Variants in DNAJC6 observed in about 807,000 individuals in gnomAD.
DNAJC6 encodes auxilin.
A neutral mutation model predicts 110.0 loss-of-function variants in DNAJC6; 34 were observed. The observed-to-expected ratio is 0.31, with a 90% CI of 0.24 to 0.41. The LOEUF is 0.41. Among genes scored for constraint, DNAJC6 ranks in the 10% least tolerant of loss-of-function variants. The probability of loss-of-function intolerance (pLI) is 1.00; values close to 1 mark genes in which losing one functional copy is unlikely to be tolerated. For missense variants in DNAJC6, 1,031 were observed against 1,207.8 expected (o/e 0.85, Z 2.17); for synonymous variants, 406 against 437.2 (o/e 0.93, Z 0.89).
intron 1 of DNAJC6, among the ~76,000 whole-genome samples, chr1:65,289,298 C>A (rs915766253): frequency 1.3e-5 from 2 of 152,034 alleles, no homozygotes; most frequent in Admixed American, 1.3e-4. Context: ...CAGGTTCAAG[C>A]GATTCTCCTG....
intron 5 of DNAJC6, among the ~76,000 whole-genome samples, chr1:65,382,815 C>T (rs879714118): frequency 1.3e-5 from 2 of 152,110 alleles, no homozygotes; most frequent in Non-Finnish European, 2.9e-5. Context: ...ATCTGGGCAG[C>T]ATTTAAGGTT....
rs376822587 is a variant in DNAJC6 at position 65,391,643 on chromosome 1, G to C, written c.1469-788G>C. On this transcript the variant is annotated intron_variant, in intron 11 of 18. Coordinates refer to ENST00000371069, the MANE Select transcript of DNAJC6 (RefSeq NM_001256864.2). ...GTCAGCAAATGACTAGCAGATAATGGTTTGTACTACCCTCCCCGGCCAAAG... is the reference window on the plus strand; with the variant it reads ...GTCAGCAAATGACTAGCAGATAATGCTTTGTACTACCCTCCCCGGCCAAAG... 1.3e-3 allele frequency among the ~76,000 whole-genome samples: 197 copies of C among 151,976 alleles called. 1 individual carries two copies. Among genetic ancestry groups the C allele is most frequent in the African/African-American group, 4.6e-3 (189 of 41,380 alleles).
intron 1 of DNAJC6, among the ~76,000 whole-genome samples, chr1:65,303,427 A>G (rs1179660686): frequency 6.6e-6 from 1 of 152,220 alleles, no homozygotes; most frequent in Non-Finnish European, 1.5e-5. Context: ...GATTGATAGT[A>G]TGTCATACTT....
chr1:65,322,888 A>G (rs1036830070), intron 1 of DNAJC6, among the ~76,000 whole-genome samples: 2 of 152,222 alleles, frequency 1.3e-5, no homozygotes. Context: ...ATTAATTTGA[A>G]TAGCTTTTCA....
intron 1 of DNAJC6, among the ~76,000 whole-genome samples, chr1:65,342,701 T>C (rs1053024181): frequency 1.3e-5 from 2 of 152,158 alleles, no homozygotes; most frequent in Non-Finnish European, 2.9e-5. Flanking sequence ...ACATAAAGCT[T>C]GTAGTCTAGT....
chr1:65,282,734 C>T (rs1653892767), intron 1 of DNAJC6, among the ~76,000 whole-genome samples: 1 of 152,112 alleles, frequency 6.6e-6, no homozygotes, highest in Non-Finnish European at 1.5e-5. Context: ...AGGAAGTCAC[C>T]TGCAGTTTGT....
intron 1 of DNAJC6, among the ~76,000 whole-genome samples, chr1:65,346,197 CCTACTAATACAATTTT>C (rs1645435258): frequency 6.6e-6 from 1 of 152,084 alleles, no homozygotes; most frequent in Non-Finnish European, 1.5e-5. Flanking sequence ...ATTGGAAGTG[CCTACTAATACAATTTT>C]CTGATAATTT....
chr1:65,382,604 A>G (rs993470254), intron 5 of DNAJC6, among the ~76,000 whole-genome samples: 4 of 152,222 alleles, frequency 2.6e-5, no homozygotes, highest in Admixed American at 2.0e-4. Context: ...ACATATTTGC[A>G]CATTACCTTA....
rs1038852409 is a variant in DNAJC6, at chr1:65,280,079, A to C, written c.-131+15147A>C. Among the ~76,000 whole-genome samples, 5 of 152,224 alleles carry C rather than the reference A, an allele frequency of 3.3e-5. No homozygotes were observed. The East Asian group carries it at 9.6e-4, about 29-fold the overall frequency. On this transcript the variant is annotated intron_variant, in intron 1 of 19. Coordinates refer to the DNAJC6 transcript ENST00000263441. ...TAGAACCTAATAAGGTTGTTGCGAG[A>C]TTAGAAATAATATATTAAAGGCACC... is the stretch of plus-strand genomic sequence containing the variant.
chr1:65,323,401 C>A (rs1645213867), intron 1 of DNAJC6, among the ~76,000 whole-genome samples: 1 of 152,120 alleles, frequency 6.6e-6, no homozygotes, highest in Non-Finnish European at 1.5e-5. Context: ...CTTTCTCCTG[C>A]CACCATGTAA....
intron 12 of DNAJC6, among the ~76,000 whole-genome samples, chr1:65,394,507 TGTG>T (rs1405980017): frequency 1.3e-5 from 2 of 152,206 alleles, no homozygotes; most frequent in Non-Finnish European, 2.9e-5. Flanking sequence ...GCTCTTGTCT[TGTG>T]GTGTTGGGCA....
chr1:65,410,911 T>C (rs1221034702), intron 17 of DNAJC6, among the ~76,000 whole-genome samples: 1 of 152,246 alleles, frequency 6.6e-6, no homozygotes, highest in Non-Finnish European at 1.5e-5. Flanking sequence ...TTTGGCCCTT[T>C]TTTAAGGTTT....
chr1:65,320,317 A>G (rs542711947), intron 1 of DNAJC6, among the ~76,000 whole-genome samples: 1 of 152,316 alleles, frequency 6.6e-6, no homozygotes, highest in Admixed American at 6.5e-5. Context: ...CTCTGTAGGA[A>G]AGCAGATCTT....
At chr1:65,319,122 T>C (rs555817319) in intron 1 of DNAJC6, among the ~76,000 whole-genome samples, 39 of 152,298 alleles carry the variant, frequency 2.6e-4, no homozygotes, top group African/African-American at 9.1e-4. Context: ...TGGTGGGGTC[T>C]GAGATACAGG....
intron 1 of DNAJC6, among the ~76,000 whole-genome samples, chr1:65,291,449 C>G (rs1644874110): frequency 6.6e-6 from 1 of 152,174 alleles, no homozygotes; most frequent in African/African-American, 2.4e-5. Context: ...AGTAATGAAT[C>G]TATAGCATTC....
chr1:65,316,522 G>A lies in DNAJC6; in HGVS notation c.193+6584G>A, dbSNP rs575047965. 3.9e-5 allele frequency among the ~76,000 whole-genome samples: 6 copies of A among 152,204 alleles called. No homozygotes were observed. The South Asian group carries it at 1.2e-3, about 32-fold the overall frequency. ...GTAAGTAAAGTTCAGAGCAAGGCTG[G>A]GTCTTATTTGCCTTTGTAGTCTTGT... On this transcript the variant is annotated intron_variant, in intron 1 of 18. Coordinates refer to ENST00000371069, the MANE Select transcript of DNAJC6 (RefSeq NM_001256864.2).
intron 1 of DNAJC6, among the ~76,000 whole-genome samples, chr1:65,302,528 T>C (rs1256092851): frequency 7.7e-6 from 1 of 129,208 alleles, no homozygotes; most frequent in African/African-American, 3.0e-5. Context: ...CCTTTCTTTT[T>C]TTTTTTTTTT....
rs574185340 is a variant in DNAJC6 at position 65,298,563 on chromosome 1, G to T, written c.-131+33631G>T. 2.0e-5 allele frequency among the ~76,000 whole-genome samples: 3 copies of T among 151,762 alleles called. No homozygotes were observed. The South Asian group carries it at 6.3e-4, about 32-fold the overall frequency. On this transcript the variant is annotated intron_variant, in intron 1 of 19. Coordinates refer to the DNAJC6 transcript ENST00000263441. ...ATTTGCTTAACGGTAGTAGTTAGGG[G>T]TCTATACATATGAAAAAAGACTGAC...
chr1:65,373,923 A>G (rs1362363170), intron 4 of DNAJC6, among the ~76,000 whole-genome samples: 1 of 151,966 alleles, frequency 6.6e-6, no homozygotes, highest in Non-Finnish European at 1.5e-5. Flanking sequence ...TGGGTTTTGG[A>G]TTCAAGTTTT....
Sources: gnomAD v4.1 joint callset for allele counts (sites outside exome capture counted in the v4.1 genomes callset) on GRCh38, gnomAD v4.1.1 for gene constraint, MANE v1.5 for transcripts, NCBI Gene and HGNC (gene_info 2026-07-23, HGNC 2026-07-21) for gene names.